HSF5: variants seen among roughly 807,000 people sequenced by gnomAD.
HSF5 encodes the protein heat shock transcription factor 5, also known as heat shock factor protein 5.
In HSF5, 5 loss-of-function variants were observed where a neutral mutation model predicts 50.8. That is an observed-to-expected ratio of 0.10 (90% CI 0.05 to 0.21). The LOEUF (loss-of-function observed/expected upper bound fraction) is 0.21. Ranked by LOEUF, HSF5 falls within the 10% of genes least tolerant of loss-of-function variation. The pLI, the probability that HSF5 is intolerant of heterozygous loss-of-function variation, is 1.00. For synonymous variants in HSF5, 307 were observed against 307.4 expected (o/e 1.00, Z 0.02); for missense variants, 564 against 762.6 (o/e 0.74, Z 3.07).
chr17:58,463,403 G>C (rs1974821759), intron 3 of HSF5, 100 bp from the exon 4 acceptor site: 1 of 917,282 alleles, frequency 1.1e-6, no homozygotes, highest in South Asian at 1.7e-5. Context: ...AACATAAATA[G>C]ATTAAACTTA....
At chr17:58,453,945 T>C (rs1272560040) in intron 5 of HSF5, among the ~76,000 whole-genome samples, 2 of 151,704 alleles carry the variant, frequency 1.3e-5, no homozygotes, top group Non-Finnish European at 2.9e-5. Context: ...AGAAAAAAAA[T>C]TAGCCAGGCA....
At chr17:58,441,945 T>C (rs751207506) in intron 5 of HSF5, among the ~76,000 whole-genome samples, 2 of 152,116 alleles carry the variant, frequency 1.3e-5, no homozygotes, top group Non-Finnish European at 2.9e-5. Context: ...TATGTGTGAG[T>C]GAGGGGGGAG....
Position 58,420,618 on chromosome 17 carries a change from G to T in HSF5, c.*1742C>A, listed in dbSNP as rs892043720. ...TTCAACATGACAGAGAAAAAGCAAA[G>T]TTCCTTCATTTGGAAATTGGGTCTC... is the stretch of plus-strand genomic sequence containing the variant. On this transcript the variant is annotated 3_prime_UTR_variant, in exon 6 of 6. Coordinates refer to ENST00000323777, the MANE Select transcript of HSF5 (RefSeq NM_001080439.3). 2.0e-5 allele frequency: 3 copies of T among 152,120 alleles called. No individual in the cohort carries two copies. The highest frequency in any genetic ancestry group is 2.0e-4 in the Admixed American group (3 of 15,274). The allele number at this position is 152,120 out of a possible 1,614,324, so 9.4% of individuals were successfully genotyped here. A position where few individuals can be genotyped will look rare whatever the true frequency, so the allele number is the denominator to read the frequency against.
intron 5 of HSF5, among the ~76,000 whole-genome samples, chr17:58,433,046 C>T (rs911525881): frequency 7.2e-5 from 11 of 152,202 alleles, no homozygotes; most frequent in Non-Finnish European, 1.3e-4. Flanking sequence ...CAAGGTCTTG[C>T]TCTGTTGCCC....
chr17:58,472,946 T>G (rs1448124806), intron 2 of HSF5, among the ~76,000 whole-genome samples: 1 of 152,070 alleles, frequency 6.6e-6, no homozygotes, highest in East Asian at 1.9e-4. Flanking sequence ...CCACCCTATC[T>G]GGGAAGAACT....
intron 1 of HSF5, among the ~76,000 whole-genome samples, chr17:58,480,700 C>A (rs374997206): frequency 6.9e-4 from 105 of 151,784 alleles, no homozygotes; most frequent in African/African-American, 2.0e-3. Flanking sequence ...AGCTCTCCAC[C>A]AAAAAATAAA....
intron 5 of HSF5, among the ~76,000 whole-genome samples, chr17:58,437,224 A>G (rs1249972140): frequency 6.6e-6 from 1 of 152,180 alleles, no homozygotes; most frequent in African/African-American, 2.4e-5. Flanking sequence ...TGAACCCTAG[A>G]AAGTCTCAGA....
At chr17:58,444,871 C>T (rs950160751) in intron 5 of HSF5, among the ~76,000 whole-genome samples, 1 of 152,064 alleles carries the variant, frequency 6.6e-6, no homozygotes, top group Non-Finnish European at 1.5e-5. Context: ...TTAAAAACTC[C>T]TACAACTGAA....
intron 2 of HSF5, among the ~76,000 whole-genome samples, chr17:58,472,429 C>T (rs1356110309): frequency 6.6e-6 from 1 of 152,144 alleles, no homozygotes; most frequent in African/African-American, 2.4e-5. Flanking sequence ...GAGCTATGAT[C>T]ATGCCACTGC....
chr17:58,458,929 T>G lies in HSF5; in HGVS notation c.1559A>C (p.Lys520Thr). 6.2e-7 allele frequency: 1 copy of G among 1,609,296 alleles called. No homozygotes were observed. The highest frequency in any genetic ancestry group is 8.5e-7 in the Non-Finnish European group (1 of 1,178,676). The change falls in exon 5 of 6, where the codon AAA (lysine) becomes ACA (threonine). Residue 520 changes from lysine (K) to threonine (T), a missense_variant. Coordinates refer to ENST00000323777, the MANE Select transcript of HSF5 (RefSeq NM_001080439.3). Reference protein sequence around the residue: ...FSTHQVDANIKCQTSSRENIL... With the variant: ...FSTHQVDANITCQTSSRENIL... ...ATTCTCACGTGAACTGGTCTGGCAT[T>G]TTATGTTGGCATCCACCTAAAATAT... is the stretch of plus-strand genomic sequence containing the variant.
chr17:58,461,692 T>C (rs1598194275), intron 4 of HSF5, among the ~76,000 whole-genome samples: 2 of 152,072 alleles, frequency 1.3e-5, no homozygotes, highest in African/African-American at 4.8e-5. Context: ...GTCAACATGG[T>C]GGAACCCCGT....
chr17:58,438,615 T>C (rs1438672953), intron 5 of HSF5, among the ~76,000 whole-genome samples: 2 of 151,978 alleles, frequency 1.3e-5, no homozygotes, highest in East Asian at 1.9e-4. Flanking sequence ...GGGGAAAAGA[T>C]TGACAAAAAT....
At chr17:58,458,097 A>G (rs1974737633) in intron 5 of HSF5, among the ~76,000 whole-genome samples, 1 of 152,192 alleles carries the variant, frequency 6.6e-6, no homozygotes, top group South Asian at 2.1e-4. Flanking sequence ...ACATGAACAT[A>G]ATTCTAGAAT....
intron 5 of HSF5, among the ~76,000 whole-genome samples, chr17:58,454,324 A>G (rs1974680554): frequency 6.6e-6 from 1 of 152,208 alleles, no homozygotes; most frequent in Admixed American, 6.5e-5. Context: ...GGTCATAGAA[A>G]GAACATACCT....
At chr17:58,485,936 AGG>A (rs1398741234) in intron 1 of HSF5, among the ~76,000 whole-genome samples, 1 of 150,286 alleles carries the variant, frequency 6.7e-6, no homozygotes, top group East Asian at 2.0e-4. Flanking sequence ...GTGTGGTGGC[AGG>A]CACCTGTAAA....
chr17:58,444,126 A>G (rs1471907503), intron 5 of HSF5, among the ~76,000 whole-genome samples: 1 of 152,234 alleles, frequency 6.6e-6, no homozygotes, highest in Non-Finnish European at 1.5e-5. Context: ...ATGGACTGGA[A>G]ATATTGTTAA....
Position 58,487,971 on chromosome 17 carries a change from G to C in HSF5, c.304C>G (p.Pro102Ala), listed in dbSNP as rs1286519099. Reference protein sequence around the residue: ...VVLGGPGGGKPAGNGPLHHFH... With the variant: ...VVLGGPGGGKAAGNGPLHHFH... ...TGATGGAGCGGCCCATTGCCTGCCG[G>C]TTTGCCGCCCCCCGGCCCGCCCAGC... is the stretch of plus-strand genomic sequence containing the variant. Residue 102 changes from proline (P) to alanine (A), a missense_variant, in exon 1 of 6, where the codon CCG becomes GCG. By Grantham distance (27) the Pro-to-Ala change is conservative. Transcript: ENST00000323777. 2 of 1,611,244 alleles carry C rather than the reference G, an allele frequency of 1.2e-6. No individual in the cohort carries two copies. The highest frequency in any genetic ancestry group is 2.2e-5 in the East Asian group (1 of 44,784).
At chr17:58,445,306 G>A (rs1166980495) in intron 5 of HSF5, among the ~76,000 whole-genome samples, 2 of 152,184 alleles carry the variant, frequency 1.3e-5, no homozygotes, top group South Asian at 2.1e-4. Context: ...GGAGCCAGGC[G>A]CGGTGGCACA....
intron 5 of HSF5, among the ~76,000 whole-genome samples, chr17:58,446,925 G>A (rs1325196536): frequency 6.6e-6 from 1 of 152,192 alleles, no homozygotes; most frequent in African/African-American, 2.4e-5. Context: ...AGGAGTTGGA[G>A]ACTAGCCTGA....
Sources: gnomAD v4.1 joint callset for allele counts (sites outside exome capture counted in the v4.1 genomes callset) on GRCh38, gnomAD v4.1.1 for gene constraint, MANE v1.5 for transcripts, NCBI Gene and HGNC (gene_info 2026-07-23, HGNC 2026-07-21) for gene names.